Variants in GTF2IRD1 observed in about 807,000 individuals in gnomAD.
GTF2IRD1 encodes the protein general transcription factor II-I repeat domain-containing protein 1.
GTF2IRD1 carries 26 observed loss-of-function variants against 113.2 expected under a neutral mutation model. The ratio of observed to expected loss-of-function variants is 0.23; its 90% CI spans 0.17 to 0.32. The LOEUF is 0.32. Among genes scored for constraint, GTF2IRD1 ranks in the 10% least tolerant of loss-of-function variants. The probability of loss-of-function intolerance (pLI) is 1.00; values close to 1 mark genes in which losing one functional copy is unlikely to be tolerated. For missense variants in GTF2IRD1, 864 were observed against 1,280.8 expected, an observed-to-expected ratio of 0.67 and a Z score of 4.97; for synonymous variants, 484 against 529.1, an observed-to-expected ratio of 0.91 and a Z score of 1.17.
chr7:74,476,225 C>A (rs1794397542), intron 1 of GTF2IRD1, among the ~76,000 whole-genome samples: 1 of 152,084 alleles, frequency 6.6e-6, no homozygotes, highest in Non-Finnish European at 1.5e-5. Context: ...GGGTCCCGCC[C>A]AAGCCCCAGA....
chr7:74,566,401 C>T (rs1190798527), intron 22 of GTF2IRD1, among the ~76,000 whole-genome samples: 1 of 152,126 alleles, frequency 6.6e-6, no homozygotes, highest in East Asian at 1.9e-4. Context: ...GGACTGCAGT[C>T]GTGTGATCTC....
intron 1 of GTF2IRD1, among the ~76,000 whole-genome samples, chr7:74,486,651 C>A (rs915107942): frequency 5.9e-5 from 9 of 152,044 alleles, no homozygotes; most frequent in Admixed American, 5.9e-4. Context: ...GAGGTACCAG[C>A]CACACAGCAT....
At chr7:74,535,833 A>G (rs1798260260) in intron 10 of GTF2IRD1, among the ~76,000 whole-genome samples, 1 of 152,172 alleles carries the variant, frequency 6.6e-6, no homozygotes, top group Admixed American at 6.5e-5. Context: ...GCCATGGGGA[A>G]GCCCCGGCCC....
intron 22 of GTF2IRD1, among the ~76,000 whole-genome samples, chr7:74,561,341 T>G (rs1583890809): frequency 2.4e-5 from 3 of 125,706 alleles, no homozygotes; most frequent in Admixed American, 8.2e-5. Flanking sequence ...GGGACTAGAT[T>G]GTCTCAAAAA....
chr7:74,501,314 C>A lies in GTF2IRD1; in HGVS notation c.-6-6761C>A, dbSNP rs782332517. The stretch of plus-strand genomic sequence containing the variant: ...GGGAACCCGGATTTAGTTGGTATGA[C>A]CCGAGCTCAGGTTTCAGCTTTGCGA... On this transcript the variant is annotated intron_variant, in intron 1 of 26. Transcript: ENST00000424337. Among the ~76,000 whole-genome samples the A allele has an allele frequency of 4.0e-4, 61 of 152,300 alleles. 1 individual carries two copies. Among genetic ancestry groups the A allele is most frequent in the Non-Finnish European group, 2.2e-4 (15 of 68,028 alleles).
chr7:74,483,903 G>A (rs1794879953), intron 1 of GTF2IRD1, among the ~76,000 whole-genome samples: 1 of 151,778 alleles, frequency 6.6e-6, no homozygotes, highest in Non-Finnish European at 1.5e-5. Flanking sequence ...TTTCTAAGTG[G>A]AGCAAAAATG....
chr7:74,577,610 GTTC>G lies in GTF2IRD1; in HGVS notation c.2321-12239_2321-12237del, dbSNP rs764115886. ...ATTTCCAAAACTGTCTTCTATGCCTGTTCTCCTCCATGATATAATCATTTTTCA... is the reference window on the plus strand; with the variant it reads ...ATTTCCAAAACTGTCTTCTATGCCTGTCCTCCATGATATAATCATTTTTCA... On this transcript the variant is annotated intron_variant, in intron 22 of 26. Coordinates refer to ENST00000424337, the MANE Select transcript of GTF2IRD1 (RefSeq NM_005685.4). Among the ~76,000 whole-genome samples the G allele has an allele frequency of 1.4e-3, 207 of 151,432 alleles. 1 individual carries two copies. The highest frequency in any genetic ancestry group is 1.9e-3 in the Non-Finnish European group (127 of 67,872).
intron 1 of GTF2IRD1, among the ~76,000 whole-genome samples, chr7:74,502,422 T>C (rs1380095076): frequency 6.6e-6 from 1 of 152,218 alleles, no homozygotes; most frequent in Non-Finnish European, 1.5e-5. Context: ...GGCTGCAGAA[T>C]AGGCTCGCAC....
At chr7:74,568,749 G>C (rs1206701564) in intron 22 of GTF2IRD1, among the ~76,000 whole-genome samples, 1 of 152,194 alleles carries the variant, frequency 6.6e-6, no homozygotes, top group African/African-American at 2.4e-5. Flanking sequence ...CTTCTCTCAG[G>C]GAGGGACAGG....
chr7:74,558,076 C>G (rs782423799), intron 20 of GTF2IRD1, among the ~76,000 whole-genome samples: 1 of 151,932 alleles, frequency 6.6e-6, no homozygotes, highest in Non-Finnish European at 1.5e-5. Flanking sequence ...GAGTTCGAGG[C>G]CAGCCTGGGC....
chr7:74,543,872 C>CAAAAA (rs782039486), intron 14 of GTF2IRD1, among the ~76,000 whole-genome samples: 32 of 34,448 alleles, frequency 9.3e-4, no homozygotes, highest in African/African-American at 1.2e-3. Flanking sequence ...CCCATCTCTA[C>CAAAAA]AAAAAAAAAA....
intron 2 of GTF2IRD1, among the ~76,000 whole-genome samples, chr7:74,511,162 T>TC (rs1159365615): frequency 6.6e-6 from 1 of 151,874 alleles, no homozygotes; most frequent in Non-Finnish European, 1.5e-5. Context: ...CAAGACAGGC[T>TC]CCCCCGTCCC....
chr7:74,555,615 C>T lies in GTF2IRD1; in HGVS notation c.2023+121C>T. 1 of 660,492 alleles carries T rather than the reference C, an allele frequency of 1.5e-6. No individual in the cohort carries two copies. The highest frequency in any genetic ancestry group is 1.8e-5 in the South Asian group (1 of 56,634). The allele number at this position is 660,492 out of a possible 1,614,324, so 40.9% of individuals were successfully genotyped here. On this transcript the variant is annotated intron_variant, in intron 19 of 26. Transcript: ENST00000424337. The surrounding 1 kb of genome is among the most constrained non-coding windows in gnomAD (Gnocchi z 5.3). ...GCCCCCAACTTCAGGGCCTAAGGGA[C>T]CAGGCAAGCCAGGTTGGCAGCCCAG... is the stretch of plus-strand genomic sequence containing the variant.
At chr7:74,487,956 GT>G (rs1451566266) in intron 1 of GTF2IRD1, among the ~76,000 whole-genome samples, 1 of 151,992 alleles carries the variant, frequency 6.6e-6, no homozygotes, top group Non-Finnish European at 1.5e-5. Context: ...TGGTAAGAGG[GT>G]GGTGGGACTA....
Position 74,491,553 on chromosome 7 carries a change from C to T in GTF2IRD1, c.-6-16522C>T, listed in dbSNP as rs148346883. On this transcript the variant is annotated intron_variant, in intron 1 of 26. Coordinates refer to ENST00000424337, the MANE Select transcript of GTF2IRD1 (RefSeq NM_005685.4). ...TCCATGTGTTCTCATTGTTCAGCTC[C>T]CACTTATAAGTGAGAACATGCAGTA... Among the ~76,000 whole-genome samples, 1,093 of 152,042 alleles carry T rather than the reference C, an allele frequency of 7.2e-3. 5 individuals carry two copies. The highest frequency in any genetic ancestry group is 0.013 in the Non-Finnish European group (892 of 68,004).
Position 74,455,549 on chromosome 7 carries a change from G to A in GTF2IRD1, c.-7+1373G>A, listed in dbSNP as rs938597623. On this transcript the variant is annotated intron_variant, in intron 1 of 26. Coordinates refer to ENST00000424337, the MANE Select transcript of GTF2IRD1 (RefSeq NM_005685.4). ...CATCGATTATTTATTCTAAGCAGGA[G>A]GAGGTGGCTGGAGGCTGGTGGCTGC... Among the ~76,000 whole-genome samples the A allele has an allele frequency of 7.2e-5, 11 of 152,212 alleles. No homozygotes were observed. The South Asian group carries it at 1.0e-3, about 14-fold the overall frequency.
intron 22 of GTF2IRD1, among the ~76,000 whole-genome samples, chr7:74,585,996 T>G (rs1801695146): frequency 6.6e-6 from 1 of 152,146 alleles, no homozygotes; most frequent in Non-Finnish European, 1.5e-5. Context: ...AGAGTACTCC[T>G]GGTGCTTAGA....
chr7:74,503,166 CAAAAA>C (rs10626336), intron 1 of GTF2IRD1, among the ~76,000 whole-genome samples: 2 of 140,890 alleles, frequency 1.4e-5, no homozygotes, highest in Non-Finnish European at 3.1e-5. Flanking sequence ...GACTCCATCT[CAAAAA>C]AAAAAAAATA....
At chr7:74,573,339 C>A (rs1164425513) in intron 22 of GTF2IRD1, among the ~76,000 whole-genome samples, 2 of 151,380 alleles carry the variant, frequency 1.3e-5, no homozygotes, top group African/African-American at 4.9e-5. Context: ...GAGGTTGAGG[C>A]TGTGGTGAGC....
Sources: allele counts gnomAD v4.1 joint callset (sites outside exome capture counted in the v4.1 genomes callset), GRCh38; gene constraint gnomAD v4.1.1; non-coding constraint Gnocchi (gnomAD v3.1); transcripts MANE v1.5; gene names NCBI Gene and HGNC (gene_info 2026-07-23, HGNC 2026-07-21).